The following NBAS variants were observed in gnomAD, a reference collection of about 807,000 sequenced individuals.
NBAS encodes the protein NAG/BC035112 fusion.
A neutral mutation model predicts 302.5 loss-of-function variants in NBAS; 219 were observed. The ratio of observed to expected loss-of-function variants is 0.72; its 90% CI spans 0.65 to 0.81. The LOEUF is 0.81. Ranked by LOEUF, NBAS falls within the 30% of genes least tolerant of loss-of-function variation. The pLI, the probability that NBAS is intolerant of heterozygous loss-of-function variation, is 0.00. For missense variants in NBAS, 2,932 were observed against 2,841.6 expected, an observed-to-expected ratio of 1.03 and a Z score of -0.72; for synonymous variants, 1,118 against 1,021.6, an observed-to-expected ratio of 1.09 and a Z score of -1.80.
the NBAS span, among the ~76,000 whole-genome samples, chr2:15,034,231 AG>A: frequency 1.1e-5 from 1 of 92,076 alleles, no homozygotes; most frequent in Admixed American, 1.2e-4. Flanking sequence ...AGGGAAAGAA[AG>A]AAGGAAAGAA....
chr2:15,505,754 GA>G (rs938077908), intron 10 of NBAS, among the ~76,000 whole-genome samples: 2 of 152,080 alleles, frequency 1.3e-5, no homozygotes, highest in South Asian at 4.2e-4. Context: ...AATTATGGCT[GA>G]AAAAACAACC....
intron 5 of NBAS, among the ~76,000 whole-genome samples, chr2:15,553,147 T>C (rs975396618): frequency 1.3e-4 from 20 of 152,270 alleles, no homozygotes; most frequent in Admixed American, 1.3e-3. Context: ...ACAACAGTGA[T>C]TTCCAGAGTT....
chr2:15,449,578 C>A (rs1265583702), intron 21 of NBAS, among the ~76,000 whole-genome samples: 2 of 128,382 alleles, frequency 1.6e-5, no homozygotes, highest in Non-Finnish European at 3.4e-5. Context: ...AATCAGAGAA[C>A]TCGCCCTGAA....
chr2:15,316,726 G>C (rs769176105), intron 38 of NBAS, among the ~76,000 whole-genome samples: 1 of 152,158 alleles, frequency 6.6e-6, no homozygotes, highest in African/African-American at 2.4e-5. Flanking sequence ...GCCAGGAAGC[G>C]CGAAGTGGGA....
chr2:14,843,582 A>ACAC, the NBAS span, among the ~76,000 whole-genome samples: 78 of 150,906 alleles, frequency 5.2e-4, no homozygotes, highest in African/African-American at 9.1e-4. Context: ...ACACACACAC[A>ACAC]AAAATACCTT....
At chr2:15,047,309 G>A in the NBAS span, among the ~76,000 whole-genome samples, 1 of 152,262 alleles carries the variant, frequency 6.6e-6, no homozygotes, top group Non-Finnish European at 1.5e-5. Flanking sequence ...GGTGCTGACG[G>A]AGAGGCCCAT....
chr2:15,095,045 G>A, the NBAS span, among the ~76,000 whole-genome samples: 1 of 152,032 alleles, frequency 6.6e-6, no homozygotes, highest in Non-Finnish European at 1.5e-5. Context: ...TACAATCTTT[G>A]CCATGTCTCC....
intron 42 of NBAS, among the ~76,000 whole-genome samples, chr2:15,285,617 GT>G (rs1670003511): frequency 6.6e-6 from 1 of 152,112 alleles, no homozygotes; most frequent in African/African-American, 2.4e-5. Context: ...TCTCTCGGCT[GT>G]TTCAGTATGG....
At chr2:15,469,650 T>C (rs1572896053) in intron 16 of NBAS, among the ~76,000 whole-genome samples, 1 of 152,106 alleles carries the variant, frequency 6.6e-6, no homozygotes, top group African/African-American at 2.4e-5. Flanking sequence ...TGGAATACTA[T>C]GCAGCCATAA....
intron 21 of NBAS, among the ~76,000 whole-genome samples, chr2:15,439,428 GAGTAATTTAACTGCACCCCAGAAAAA>G (rs1678222027): frequency 6.6e-6 from 1 of 151,764 alleles, no homozygotes; most frequent in Non-Finnish European, 1.5e-5. Flanking sequence ...CAAAGTTCTT[GAGTAATTTAACTGCACCCCAGAAAAA>G]AGCTTCAGAA....
chr2:15,220,562 A>C (rs1276871273), intron 47 of NBAS, among the ~76,000 whole-genome samples: 1 of 152,238 alleles, frequency 6.6e-6, no homozygotes, highest in Non-Finnish European at 1.5e-5. Flanking sequence ...AAAATGATTC[A>C]GAAAAGGGGA....
the NBAS span, among the ~76,000 whole-genome samples, chr2:14,977,770 TAGTC>T: frequency 6.6e-6 from 1 of 152,190 alleles, no homozygotes; most frequent in Non-Finnish European, 1.5e-5. Flanking sequence ...AAGTTTCTCT[TAGTC>T]AGAGATTCCT....
At chr2:15,014,282 T>C in the NBAS span, among the ~76,000 whole-genome samples, 3 of 152,140 alleles carry the variant, frequency 2.0e-5, no homozygotes, top group Admixed American at 2.0e-4. Context: ...TACTGCACCA[T>C]ATACCAAACG....
the NBAS span, among the ~76,000 whole-genome samples, chr2:14,795,754 T>G: frequency 6.6e-6 from 1 of 152,082 alleles, no homozygotes; most frequent in African/African-American, 2.4e-5. Context: ...CCGCAAGGTA[T>G]TTACTAGCAT....
At chr2:15,123,879 T>G in the NBAS span, among the ~76,000 whole-genome samples, 28 of 152,024 alleles carry the variant, frequency 1.8e-4, no homozygotes, top group Non-Finnish European at 2.4e-4. Flanking sequence ...TATTGAAGAG[T>G]AGGGCATTGC....
chr2:15,482,258 G>A (rs1365801711), intron 12 of NBAS, among the ~76,000 whole-genome samples: 1 of 152,038 alleles, frequency 6.6e-6, no homozygotes, highest in Non-Finnish European at 1.5e-5. Flanking sequence ...AGCCTCCCGA[G>A]TAGCTGGGAA....
At chr2:15,016,624 C>G in the NBAS span, among the ~76,000 whole-genome samples, 2 of 150,680 alleles carry the variant, frequency 1.3e-5, no homozygotes, top group African/African-American at 2.4e-5. Flanking sequence ...AGAAAAAAAT[C>G]TTAGAATTTA....
the NBAS span, among the ~76,000 whole-genome samples, chr2:15,101,306 G>A: frequency 6.6e-6 from 1 of 152,014 alleles, no homozygotes; most frequent in Non-Finnish European, 1.5e-5. Context: ...AAAAAAAAGT[G>A]AGAGCAAAGA....
the NBAS span, among the ~76,000 whole-genome samples, chr2:14,954,171 C>T: frequency 1.3e-5 from 2 of 152,260 alleles, no homozygotes; most frequent in South Asian, 4.1e-4. Flanking sequence ...GAAATGGCTA[C>T]TGAAAAAGTA....
Sources: gnomAD v4.1 joint callset for allele counts (sites outside exome capture counted in the v4.1 genomes callset) on GRCh38, gnomAD v4.1.1 for gene constraint, MANE v1.5 for transcripts, NCBI Gene and HGNC (gene_info 2026-07-23, HGNC 2026-07-21) for gene names.